Variants in FAM186B observed in about 807,000 individuals in gnomAD.
FAM186B encodes the protein family with sequence similarity 186 member B.
FAM186B carries 68 observed loss-of-function variants against 83.4 expected under a neutral mutation model. The observed-to-expected ratio is 0.81, with a 90% CI of 0.67 to 1.00. The LOEUF (loss-of-function observed/expected upper bound fraction) is 1.00, where lower values mean the gene tolerates loss of function less well. Among genes scored for constraint, FAM186B ranks in the 50% least tolerant of loss-of-function variants. FAM186B has a pLI of 0.00. For synonymous variants in FAM186B, 389 were observed against 422.0 expected (o/e 0.92, Z 0.96); for missense variants, 983 against 1,099.2 (o/e 0.89, Z 1.49).
In FAM186B at chr12:49,603,346, A is replaced by G. The variant is rs771352682; in HGVS notation, c.344T>C (p.Ile115Thr). ...GDWGDTLTYE[I>T]GPRKSEEEAA... The stretch of plus-strand genomic sequence containing the variant: ...TTCCTCTTCACTCTTCCTGGGCCCA[A>G]TCTCATAGGTCAGAGTGTCACCTGG... The change falls in exon 3 of 7, where the codon ATT (isoleucine) becomes ACT (threonine). Residue 115 changes from isoleucine (I) to threonine (T), a missense_variant. Coordinates refer to ENST00000257894, the MANE Select transcript of FAM186B (RefSeq NM_032130.3). The G allele has an allele frequency of 1.9e-6, 3 of 1,613,966 alleles. No homozygotes were observed. Among genetic ancestry groups the G allele is most frequent in the African/African-American group, 1.3e-5 (1 of 74,888 alleles).
intron 6 of FAM186B, among the ~76,000 whole-genome samples, chr12:49,588,228 T>C (rs941019255): frequency 2.0e-5 from 3 of 152,244 alleles, no homozygotes; most frequent in Non-Finnish European, 4.4e-5. Context: ...TGAAATGCAC[T>C]GGTCAGGCTA....
chr12:49,599,100 T>G (rs1939801137), intron 4 of FAM186B, among the ~76,000 whole-genome samples, 153 bp from the exon 5 acceptor site: 1 of 150,592 alleles, frequency 6.6e-6, no homozygotes, highest in Admixed American at 6.6e-5. Flanking sequence ...CAGAGAAAAG[T>G]GGGAGGTGGT....
chr12:49,592,089 G>T (rs181512284), intron 5 of FAM186B, among the ~76,000 whole-genome samples: 329 of 152,292 alleles, frequency 2.2e-3, no homozygotes, highest in African/African-American at 7.2e-3. Context: ...TAGGACAAAG[G>T]CCGGGAGGGA....
intron 5 of FAM186B, among the ~76,000 whole-genome samples, chr12:49,589,668 A>G (rs1193997247): frequency 1.3e-5 from 2 of 152,030 alleles, no homozygotes; most frequent in Non-Finnish European, 2.9e-5. Context: ...AAGAAGTTAA[A>G]TCTATATCTA....
chr12:49,605,758 CTTTTTTTTT>C, upstream of FAM186B: 1 of 150,368 alleles, frequency 6.7e-6, no homozygotes, highest in Non-Finnish European at 1.4e-5. Flanking sequence ...GTTGCCTTTT[CTTTTTTTTT>C]TTTTTTTTTT....
intron 5 of FAM186B, chr12:49,594,235 A>T: frequency 3.9e-6 from 1 of 255,414 alleles, no homozygotes. Context: ...AAGGACTGAA[A>T]GATTGGTGGG....
In FAM186B at chr12:49,588,543, G is replaced by A; in HGVS notation, c.2445C>T (p.Ala815=). 6.2e-7 allele frequency: 1 copy of A among 1,613,004 alleles called. No homozygotes were observed. Among genetic ancestry groups the A allele is most frequent in the South Asian group, 1.1e-5 (1 of 90,900 alleles). Residue 815 remains alanine, a synonymous_variant, in exon 6 of 7, where the codon GCC becomes GCT. Transcript: ENST00000257894. ...CACTGGGGCGGATGTGCCGGGGTGA[G>A]GCTGCAGGCAACTTGCATTTCTTTG... ...PKPKKCKLPA[A]SPRHIRPSGP... is the part of the protein sequence containing the mutation.
At chr12:49,608,837 C>T (rs747248005), upstream of FAM186B, among the ~76,000 whole-genome samples, 1 of 151,906 alleles carries the variant, frequency 6.6e-6, no homozygotes. Flanking sequence ...CAAGGGAGAG[C>T]ACTTTGTTTC....
At chr12:49,609,064 T>C (rs1940060608), upstream of FAM186B, among the ~76,000 whole-genome samples, 1 of 152,194 alleles carries the variant, frequency 6.6e-6, no homozygotes, top group Non-Finnish European at 1.5e-5. Context: ...TAGAGGTTTC[T>C]ACAGCCAGAA....
downstream of FAM186B, among the ~76,000 whole-genome samples, chr12:49,586,859 T>A (rs1377531095): frequency 6.6e-6 from 1 of 152,196 alleles, no homozygotes; most frequent in Admixed American, 6.5e-5. Context: ...TATGCCTCCC[T>A]GTCTCACTGA....
intron 6 of FAM186B, 41 bp downstream of exon 6, chr12:49,588,413 C>T: frequency 1.9e-6 from 3 of 1,577,316 alleles, no homozygotes; most frequent in East Asian, 4.5e-5. Flanking sequence ...CCTGCCTCTT[C>T]ACCCATACAG....
chr12:49,602,722 A>G (rs982525030), intron 3 of FAM186B, among the ~76,000 whole-genome samples: 1 of 152,206 alleles, frequency 6.6e-6, no homozygotes, highest in African/African-American at 2.4e-5. Flanking sequence ...GAGTTCGATA[A>G]TATCAGGTTC....
At position 49,588,436 on chromosome 12, in the gene FAM186B, C is replaced by T. The variant is rs765425087; in HGVS notation, c.2534+18G>A. The T allele has an allele frequency of 1.3e-6, 2 of 1,598,498 alleles. No homozygotes were observed. Among genetic ancestry groups the T allele is most frequent in the South Asian group, 2.2e-5 (2 of 89,536 alleles). ...TTCACCCATACAGCTGCTGCCCCCT[C>T]AGCTTCCCAGAACCTACCGGGCCAT... is the stretch of plus-strand genomic sequence containing the variant. On this transcript the variant is annotated intron_variant, in intron 6 of 6. Coordinates refer to ENST00000257894, the MANE Select transcript of FAM186B (RefSeq NM_032130.3).
chr12:49,588,669 C>A, intron 5 of FAM186B, 46 bp from the exon 6 acceptor site: 1 of 1,529,728 alleles, frequency 6.5e-7, no homozygotes, highest in Non-Finnish European at 8.8e-7. Flanking sequence ...GAAGTTATCT[C>A]CTCTCTAGGT....
downstream of FAM186B, chr12:49,583,342 C>T: frequency 4.2e-6 from 1 of 239,606 alleles, no homozygotes; most frequent in African/African-American, 2.2e-5. Flanking sequence ...TTACTCATAG[C>T]CAGTTAATTT....
chr12:49,587,444 C>T (rs117223953), downstream of FAM186B: 15,069 of 994,854 alleles, frequency 0.015, 130 homozygotes, highest in Non-Finnish European at 0.019. Flanking sequence ...TTACAGCCGC[C>T]GAGCAAAGGA....
chr12:49,617,896 A>G, the FAM186B span, among the ~76,000 whole-genome samples: 7 of 152,192 alleles, frequency 4.6e-5, no homozygotes, highest in Non-Finnish European at 1.5e-5. Context: ...CACTTACACT[A>G]GAGAAGGACA....
At chr12:49,601,620 TG>T (rs1273401064) in intron 3 of FAM186B, among the ~76,000 whole-genome samples, 1 of 140,480 alleles carries the variant, frequency 7.1e-6, no homozygotes, top group Admixed American at 6.8e-5. Flanking sequence ...ACATGTTTTA[TG>T]TTTTTTTTTT....
At chr12:49,602,982 C>G (rs1436085768) in intron 3 of FAM186B, among the ~76,000 whole-genome samples, 2 of 152,204 alleles carry the variant, frequency 1.3e-5, no homozygotes, top group African/African-American at 4.8e-5. Flanking sequence ...TCACACCTCC[C>G]TTAGCGCTGA....
Sources: allele counts gnomAD v4.1 joint callset (sites outside exome capture counted in the v4.1 genomes callset), GRCh38; gene constraint gnomAD v4.1.1; transcripts MANE v1.5; gene names NCBI Gene and HGNC (gene_info 2026-07-23, HGNC 2026-07-21).